Variants in LIMA1 observed in about 807,000 individuals in gnomAD.
LIMA1 encodes the protein LIM domain and actin-binding protein 1.
LIMA1 carries 52 observed loss-of-function variants against 62.6 expected under a neutral mutation model. The observed-to-expected ratio is 0.83, with a 90% CI of 0.67 to 1.05. The LOEUF (loss-of-function observed/expected upper bound fraction) is 1.05, where lower values mean the gene tolerates loss of function less well. Among genes scored for constraint, LIMA1 ranks in the 50% least tolerant of loss-of-function variants. The probability of loss-of-function intolerance (pLI) is 0.00; values close to 1 mark genes in which losing one functional copy is unlikely to be tolerated. For missense variants in LIMA1, 780 were observed against 902.2 expected, an observed-to-expected ratio of 0.86 and a Z score of 1.74; for synonymous variants, 302 against 317.8, an observed-to-expected ratio of 0.95 and a Z score of 0.53.
chr12:50,280,293 T>A (rs1170305910), intron 1 of LIMA1, among the ~76,000 whole-genome samples: 2 of 151,860 alleles, frequency 1.3e-5, no homozygotes, highest in Non-Finnish European at 2.9e-5. Flanking sequence ...TAGCTAGGAC[T>A]ACAGGCGCCT....
At chr12:50,179,286 TG>T (rs1940433942) in intron 10 of LIMA1, among the ~76,000 whole-genome samples, 1 of 149,876 alleles carries the variant, frequency 6.7e-6, no homozygotes, top group African/African-American at 2.5e-5. Context: ...GGACTACAGG[TG>T]TGTGCCACCA....
chr12:50,266,954 G>A (rs1942146284), intron 1 of LIMA1, among the ~76,000 whole-genome samples: 1 of 152,082 alleles, frequency 6.6e-6, no homozygotes, highest in Non-Finnish European at 1.5e-5. Context: ...GAGTGCAGTG[G>A]CCTGATCTTG....
intron 4 of LIMA1, among the ~76,000 whole-genome samples, chr12:50,221,271 T>C (rs1941434645): frequency 6.6e-6 from 1 of 152,096 alleles, no homozygotes; most frequent in Non-Finnish European, 1.5e-5. Flanking sequence ...GCCAGATATA[T>C]AGGAAAGTAT....
chr12:50,190,862 A>C (rs1940750418), intron 9 of LIMA1, among the ~76,000 whole-genome samples: 1 of 151,480 alleles, frequency 6.6e-6, no homozygotes, highest in South Asian at 2.1e-4. Flanking sequence ...TCATACCTGT[A>C]ATCCCAGCAT....
intron 2 of LIMA1, among the ~76,000 whole-genome samples, chr12:50,246,775 C>T (rs1941855506): frequency 6.6e-6 from 1 of 152,314 alleles, no homozygotes; most frequent in African/African-American, 2.4e-5. Flanking sequence ...TGTTCAGCTT[C>T]CATAATCCTT....
rs73106173 is a variant in LIMA1, at chr12:50,229,788, A to G, written c.165+1877T>C. 1,091 of 152,374 alleles carry G rather than the reference A, an allele frequency of 7.2e-3. 7 individuals are homozygous for G. Among genetic ancestry groups the G allele is most frequent in the Non-Finnish European group, 0.012 (798 of 68,042 alleles). The allele number at this position is 152,374 out of a possible 1,614,324, so 9.4% of individuals were successfully genotyped here. ...CTCCTTGCATTCAGAGTTAAAGCCCAGGTCTTTACAATGACACCATTTGAC... is the reference window on the plus strand; with the variant it reads ...CTCCTTGCATTCAGAGTTAAAGCCCGGGTCTTTACAATGACACCATTTGAC... On this transcript the variant is annotated intron_variant, in intron 3 of 10. Transcript: ENST00000341247.
chr12:50,274,211 TATTC>T (rs566066233), intron 1 of LIMA1, among the ~76,000 whole-genome samples: 2 of 152,330 alleles, frequency 1.3e-5, no homozygotes, highest in South Asian at 2.1e-4. Flanking sequence ...CTTCAAGGCT[TATTC>T]ATTCATTCAA....
At chr12:50,178,530 TA>T (rs77510496) in intron 10 of LIMA1, among the ~76,000 whole-genome samples, 605 of 124,686 alleles carry the variant, frequency 4.9e-3, no homozygotes, top group African/African-American at 7.3e-3. Flanking sequence ...GAGACTGTCT[TA>T]AAAAAAAAAA....
chr12:50,193,563 T>TGTATATATATCATATATACAC (rs1940840896), intron 8 of LIMA1, among the ~76,000 whole-genome samples: 1 of 115,168 alleles, frequency 8.7e-6, no homozygotes, highest in African/African-American at 3.5e-5. Flanking sequence ...ATCATATATG[T>TGTATATATATCATATATACAC]ATATATGATA....
intron 2 of LIMA1, among the ~76,000 whole-genome samples, chr12:50,247,628 T>TATTATTATTATTATTATC (rs1235866062): frequency 2.0e-3 from 291 of 148,244 alleles, no homozygotes; most frequent in African/African-American, 7.0e-3. Context: ...TTATTATTAT[T>TATTATTATTATTATTATC]ATTATTATTA....
chr12:50,188,858 C>T (rs1940689975), intron 9 of LIMA1: 1 of 152,234 alleles, frequency 6.6e-6, no homozygotes, highest in South Asian at 2.1e-4. Flanking sequence ...GATTTTAGTT[C>T]CTGTATTTCC....
At chr12:50,249,710 A>G (rs1941901592) in intron 1 of LIMA1, 1 of 152,250 alleles carries the variant, frequency 6.6e-6, no homozygotes, top group Non-Finnish European at 1.5e-5. Context: ...GAGATTAGAA[A>G]TGAGTCAACA....
At chr12:50,178,112 C>T in intron 10 of LIMA1, 43 bp from the exon 11 acceptor site, 1 of 1,382,250 alleles carries the variant, frequency 7.2e-7, no homozygotes, top group Non-Finnish European at 9.5e-7. Flanking sequence ...CAAATCTTCA[C>T]ATTCTCACTT....
chr12:50,180,427 A>G (rs1940472311), intron 10 of LIMA1, among the ~76,000 whole-genome samples: 1 of 152,140 alleles, frequency 6.6e-6, no homozygotes, highest in African/African-American at 2.4e-5. Flanking sequence ...GTGAGCCAGG[A>G]TCACACCACT....
intron 3 of LIMA1, 33 bp downstream of exon 3, chr12:50,231,632 G>A (rs774339053): frequency 9.3e-6 from 15 of 1,608,940 alleles, no homozygotes; most frequent in Non-Finnish European, 6.0e-6. Context: ...TGCTCAAGAA[G>A]TGCCACATGC....
intron 2 of LIMA1, among the ~76,000 whole-genome samples, chr12:50,242,119 C>T (rs568809882): frequency 1.8e-4 from 28 of 151,478 alleles, no homozygotes; most frequent in African/African-American, 6.5e-4. Context: ...GGCCAGAAAA[C>T]AGAGTTCCTG....
At chr12:50,263,378 A>C (rs1942095221) in intron 1 of LIMA1, among the ~76,000 whole-genome samples, 1 of 152,174 alleles carries the variant, frequency 6.6e-6, no homozygotes, top group African/African-American at 2.4e-5. Flanking sequence ...TTCTTGTGCA[A>C]AATGAAGGGG....
At chr12:50,181,463 C>T (rs796581455) in intron 10 of LIMA1, among the ~76,000 whole-genome samples, 2 of 152,254 alleles carry the variant, frequency 1.3e-5, no homozygotes, top group African/African-American at 4.8e-5. Context: ...CAACTATTTT[C>T]TCAGAAATAA....
chr12:50,241,933 ATTTTTTTTTTTTTTTTTTTTTTTTTT>A (rs577308413), intron 2 of LIMA1, among the ~76,000 whole-genome samples: 1 of 36,406 alleles, frequency 2.7e-5, no homozygotes, highest in Non-Finnish European at 4.9e-5. Flanking sequence ...TCCTTCCCAG[ATTTTTTTTTTTTTTTTTTTTTTTTTT>A]TTTTTTTTTT....
Sources: gnomAD v4.1 joint callset for allele counts (sites outside exome capture counted in the v4.1 genomes callset) on GRCh38, gnomAD v4.1.1 for gene constraint, MANE v1.5 for transcripts, NCBI Gene and HGNC (gene_info 2026-07-23, HGNC 2026-07-21) for gene names.